Variants in NLGN4X observed in about 807,000 individuals in gnomAD.
NLGN4X encodes neuroligin-4, X-linked.
NLGN4X carries 3 observed loss-of-function variants against 40.3 expected under a neutral mutation model. That is an observed-to-expected ratio of 0.07 (90% CI 0.03 to 0.19). The LOEUF is 0.19. Ranked by LOEUF, NLGN4X falls within the 10% of genes least tolerant of loss-of-function variation. The pLI is 1.00. For synonymous variants in NLGN4X, 270 were observed against 306.8 expected (o/e 0.88, Z 1.25); for missense variants, 382 against 708.3 (o/e 0.54, Z 5.23).
At chrX:6,002,729 A>G (rs1262749242) in intron 3 of NLGN4X, among the ~76,000 whole-genome samples, 1 of 111,539 alleles carries the variant, frequency 9.0e-6, no homozygotes, top group Admixed American at 9.5e-5. Context: ...TTCCCACTCG[A>G]CTGCTGCCTT....
intron 3 of NLGN4X, among the ~76,000 whole-genome samples, chrX:5,968,435 A>G (rs1601967458): frequency 7.3e-5 from 1 of 13,632 alleles, no homozygotes; most frequent in African/African-American, 4.0e-4. Context: ...GATTGTAAGT[A>G]CCCCTCTCTC....
chrX:5,920,734 G>T (rs1033642912), intron 3 of NLGN4X, among the ~76,000 whole-genome samples: 2 of 110,954 alleles, frequency 1.8e-5, no homozygotes, highest in Admixed American at 9.6e-5. Flanking sequence ...CTTGGGATGG[G>T]GACGTATCTT....
rs1569165111 is a variant in NLGN4X at position 5,978,340 on chromosome X, CTT to C, written c.625+50938_625+50939del. ...TCTTTCTTTCTTTCTTTCTTTCTTT[CTT>C]TCCCTTCCTTCTCTTTCTTTCTCTT... is the stretch of plus-strand genomic sequence containing the variant. On this transcript the variant is annotated intron_variant, in intron 3 of 5. Transcript: ENST00000381095. Among the ~76,000 whole-genome samples the C allele has an allele frequency of 9.9e-4, 11 of 11,122 alleles. No homozygotes were observed. The East Asian group carries it at 0.024, about 24-fold the overall frequency. The allele number at this position is 11,122 out of a possible 115,157, so 9.7% of individuals were successfully genotyped here. A position where few individuals can be genotyped will look rare whatever the true frequency, so the allele number is the denominator to read the frequency against.
chrX:6,170,842 G>C (rs927959900), intron 1 of NLGN4X, among the ~76,000 whole-genome samples: 6 of 110,802 alleles, frequency 5.4e-5, no homozygotes, highest in African/African-American at 1.6e-4. Flanking sequence ...TTGTTTTTTC[G>C]AGACAGGGTC....
intron 3 of NLGN4X, among the ~76,000 whole-genome samples, chrX:5,982,841 C>T (rs768763476): frequency 2.7e-5 from 3 of 111,898 alleles, no homozygotes; most frequent in Non-Finnish European, 5.6e-5. Flanking sequence ...CTGGATGACA[C>T]AGTAAGACCC....
intron 3 of NLGN4X, among the ~76,000 whole-genome samples, chrX:5,970,104 A>C (rs1048099492): frequency 3.7e-5 from 4 of 109,289 alleles, no homozygotes; most frequent in Non-Finnish European, 5.7e-5. Flanking sequence ...AGCACACCAA[A>C]ATGGCACATG....
rs1356359176 is a variant in NLGN4X, at chrX:5,953,439, T to C, written c.626-44200A>G. Among the ~76,000 whole-genome samples the C allele has an allele frequency of 3.6e-5, 4 of 111,750 alleles. No homozygotes were observed. The Admixed American group carries it at 3.8e-4, about 11-fold the overall frequency. On this transcript the variant is annotated intron_variant, in intron 3 of 5. Coordinates refer to ENST00000381095, the MANE Select transcript of NLGN4X (RefSeq NM_181332.3). ...CTATAGTCAAAAATAATCTGTTGTA[T>C]ATTTTAAAATAACTAAAGAGTGGAT...
intron 5 of NLGN4X, among the ~76,000 whole-genome samples, chrX:5,897,739 C>T (rs958543464): frequency 8.9e-6 from 1 of 112,167 alleles, no homozygotes; most frequent in Non-Finnish European, 1.9e-5. Flanking sequence ...AATTTAGAGC[C>T]TCCGTAGGGA....
chrX:5,979,513 T>C (rs2035308939), intron 3 of NLGN4X, among the ~76,000 whole-genome samples: 1 of 110,495 alleles, frequency 9.1e-6, no homozygotes, highest in African/African-American at 3.3e-5. Flanking sequence ...AGCCCTGGCA[T>C]AGCGAGTCTT....
chrX:6,017,324 C>T (rs977614822), intron 3 of NLGN4X, among the ~76,000 whole-genome samples: 1 of 111,905 alleles, frequency 8.9e-6, no homozygotes, highest in African/African-American at 3.2e-5. Flanking sequence ...GAAAGCTACT[C>T]ATTTCTTTCA....
At chrX:5,947,942 G>A (rs1274355944) in intron 3 of NLGN4X, among the ~76,000 whole-genome samples, 1 of 111,970 alleles carries the variant, frequency 8.9e-6, no homozygotes, top group Admixed American at 9.6e-5. Context: ...ATGGAAATAT[G>A]TGTATTTAAG....
At chrX:6,140,360 A>G (rs1403716809) in intron 2 of NLGN4X, among the ~76,000 whole-genome samples, 1 of 109,813 alleles carries the variant, frequency 9.1e-6, no homozygotes, top group East Asian at 2.9e-4. Context: ...TAGGTGTTGT[A>G]AAACTTGGCA....
chrX:5,989,238 C>T (rs924224402), intron 3 of NLGN4X, among the ~76,000 whole-genome samples: 2 of 111,306 alleles, frequency 1.8e-5, no homozygotes, highest in South Asian at 3.8e-4. Flanking sequence ...ATAAATGCCT[C>T]CTTAAGGATT....
chrX:5,936,498 T>C (rs949767148), intron 3 of NLGN4X, among the ~76,000 whole-genome samples: 15 of 112,193 alleles, frequency 1.3e-4, no homozygotes, highest in African/African-American at 4.5e-4. Flanking sequence ...TCTACCATTC[T>C]CAGTTGCTGT....
chrX:6,023,115 C>G (rs905150654), intron 3 of NLGN4X, among the ~76,000 whole-genome samples: 3 of 111,475 alleles, frequency 2.7e-5, no homozygotes, highest in Non-Finnish European at 5.6e-5. Flanking sequence ...GATCATTTGA[C>G]TCAATTTATG....
chrX:6,023,087 T>C (rs145475023), intron 3 of NLGN4X, among the ~76,000 whole-genome samples: 1,799 of 109,985 alleles, frequency 0.016, 16 homozygotes, highest in Non-Finnish European at 0.025. Context: ...TGAAAGATTG[T>C]AAGAAATGCA....
intron 3 of NLGN4X, among the ~76,000 whole-genome samples, chrX:5,946,607 T>C (rs967915951): frequency 1.8e-5 from 2 of 111,468 alleles, no homozygotes; most frequent in Non-Finnish European, 3.8e-5. Context: ...TAGTCATAAC[T>C]TGAATTTTAG....
At chrX:5,953,969 G>A (rs1318616445) in intron 3 of NLGN4X, among the ~76,000 whole-genome samples, 1 of 111,247 alleles carries the variant, frequency 9.0e-6, no homozygotes, top group Non-Finnish European at 1.9e-5. Context: ...TAGCCCCATG[G>A]AGGGTCTCCT....
chrX:6,017,891 G>A (rs2036432320), intron 3 of NLGN4X, among the ~76,000 whole-genome samples: 1 of 111,627 alleles, frequency 9.0e-6, no homozygotes, highest in Non-Finnish European at 1.9e-5. Flanking sequence ...AGTGTTATAA[G>A]TATGTTCAAT....
Sources: allele counts gnomAD v4.1 joint callset (sites outside exome capture counted in the v4.1 genomes callset), GRCh38; gene constraint gnomAD v4.1.1; transcripts MANE v1.5; gene names NCBI Gene and HGNC (gene_info 2026-07-23, HGNC 2026-07-21).